The following SPIRE1 variants were observed in gnomAD, a reference collection of about 807,000 sequenced individuals.
SPIRE1 encodes protein spire homolog 1.
A neutral mutation model predicts 94.1 loss-of-function variants in SPIRE1; 40 were observed. The ratio of observed to expected loss-of-function variants is 0.43; its 90% CI spans 0.33 to 0.55. The LOEUF is 0.55. Ranked by LOEUF, SPIRE1 falls within the 20% of genes least tolerant of loss-of-function variation. SPIRE1 has a pLI of 0.06. For synonymous variants in SPIRE1, 376 were observed against 371.7 expected (o/e 1.01, Z -0.13); for missense variants, 838 against 975.2 (o/e 0.86, Z 1.87).
At chr18:12,458,551 TTGCAGTGAGCCGATATCGCGTCAC>T (rs2031636131) in intron 12 of SPIRE1, among the ~76,000 whole-genome samples, 1 of 152,010 alleles carries the variant, frequency 6.6e-6, no homozygotes, top group Non-Finnish European at 1.5e-5. Context: ...GAGGCGGAGC[TTGCAGTGAGCCGATATCGCGTCAC>T]TGCACTCCAG....
chr18:12,473,001 G>T (rs1290260935), intron 10 of SPIRE1, among the ~76,000 whole-genome samples: 1 of 151,562 alleles, frequency 6.6e-6, no homozygotes, highest in African/African-American at 2.4e-5. Flanking sequence ...TGCCATGTTG[G>T]CCAGGCTGGT....
chr18:12,578,227 T>C (rs1598490028), intron 2 of SPIRE1, among the ~76,000 whole-genome samples: 1 of 152,208 alleles, frequency 6.6e-6, no homozygotes, highest in East Asian at 1.9e-4. Flanking sequence ...AAAGCATATA[T>C]CCATAAAAAG....
chr18:12,450,592 G>T, intron 16 of SPIRE1: 1 of 549,150 alleles, frequency 1.8e-6, no homozygotes. Context: ...CTGAGAGGTG[G>T]AAGACAATGT....
chr18:12,523,841 GC>G (rs1476623943), intron 4 of SPIRE1, among the ~76,000 whole-genome samples: 1 of 152,112 alleles, frequency 6.6e-6, no homozygotes, highest in African/African-American at 2.4e-5. Context: ...GAGCCACCAT[GC>G]CAGGTTAATT....
chr18:12,579,676 G>A (rs1320248209), intron 2 of SPIRE1, among the ~76,000 whole-genome samples: 1 of 152,174 alleles, frequency 6.6e-6, no homozygotes, highest in Non-Finnish European at 1.5e-5. Context: ...ATTTCTTGGG[G>A]AGCATTACCA....
At chr18:12,539,703 T>C (rs764706311) in intron 3 of SPIRE1, among the ~76,000 whole-genome samples, 3 of 151,462 alleles carry the variant, frequency 2.0e-5, no homozygotes, top group Non-Finnish European at 4.4e-5. Flanking sequence ...CTGAGGTGGA[T>C]CACCTGAGGT....
intron 2 of SPIRE1, among the ~76,000 whole-genome samples, chr18:12,554,944 G>A (rs959283442): frequency 6.6e-6 from 1 of 152,014 alleles, no homozygotes; most frequent in African/African-American, 2.4e-5. Context: ...GAGTATGAAG[G>A]AGCTGAAACT....
intron 2 of SPIRE1, among the ~76,000 whole-genome samples, chr18:12,554,774 T>C (rs534856149): frequency 1.6e-4 from 25 of 152,228 alleles, no homozygotes; most frequent in African/African-American, 6.0e-4. Flanking sequence ...CAACAACACA[T>C]TAAAAAGATC....
Position 12,657,574 on chromosome 18 carries a change from AGGGTGACGGCGCC to A in SPIRE1, c.280_292del (p.Gly94TrpfsTer44). The A allele has an allele frequency of 8.1e-7, 1 of 1,236,620 alleles. No homozygotes were observed. Among genetic ancestry groups the A allele is most frequent in the Non-Finnish European group, 1.0e-6 (1 of 990,892 alleles). The allele number at this position is 1,236,620 out of a possible 1,614,324, so 76.6% of individuals were successfully genotyped here. A position where few individuals can be genotyped will look rare whatever the true frequency, so the allele number is the denominator to read the frequency against. Reference sequence around the variant, plus strand: ...TCCCGCGTCGTCGGCCGCGGGCGCCAGGGTGACGGCGCCGTCCCTCCAGACGCGGATCTGCGCG... The same window carrying A: ...TCCCGCGTCGTCGGCCGCGGGCGCCAGTCCCTCCAGACGCGGATCTGCGCG... On this transcript the variant is annotated frameshift_variant, in exon 1 of 17. Coordinates refer to ENST00000409402, the MANE Select transcript of SPIRE1 (RefSeq NM_001128626.2). LOFTEE classifies it high-confidence loss of function.
intron 3 of SPIRE1, among the ~76,000 whole-genome samples, chr18:12,543,456 T>C (rs1481316309): frequency 6.6e-6 from 1 of 152,202 alleles, no homozygotes; most frequent in Admixed American, 6.5e-5. Flanking sequence ...TAATTCTAGA[T>C]TTAATGTTAG....
chr18:12,453,247 AGAG>A, intron 13 of SPIRE1, 109 bp from the exon 14 acceptor site: 3 of 637,308 alleles, frequency 4.7e-6, no homozygotes, highest in Non-Finnish European at 8.0e-6. Context: ...TGAACAGACA[AGAG>A]GAGGAAGACA....
At chr18:12,564,005 A>G (rs1228198119) in intron 2 of SPIRE1, among the ~76,000 whole-genome samples, 1 of 152,240 alleles carries the variant, frequency 6.6e-6, no homozygotes, top group Non-Finnish European at 1.5e-5. Flanking sequence ...TTTCTTAAAC[A>G]GCTATTCTTT....
intron 6 of SPIRE1, among the ~76,000 whole-genome samples, chr18:12,497,483 C>T: frequency 6.6e-6 from 1 of 152,142 alleles, no homozygotes; most frequent in East Asian, 1.9e-4. Flanking sequence ...GACGTGACCA[C>T]ATATTGAGTT....
intron 1 of SPIRE1, among the ~76,000 whole-genome samples, chr18:12,650,877 A>C (rs1345152527): frequency 1.9e-5 from 2 of 104,482 alleles, no homozygotes; most frequent in African/African-American, 6.7e-5. Flanking sequence ...ACCCTGTCTC[A>C]AAAAAAAAAA....
At chr18:12,523,681 T>A (rs1415313410) in intron 4 of SPIRE1, among the ~76,000 whole-genome samples, 1 of 152,130 alleles carries the variant, frequency 6.6e-6, no homozygotes, top group Non-Finnish European at 1.5e-5. Flanking sequence ...ATAAAGTATT[T>A]TTATTCTTAT....
chr18:12,545,028 T>G (rs1319669998), intron 3 of SPIRE1, among the ~76,000 whole-genome samples: 3 of 152,216 alleles, frequency 2.0e-5, no homozygotes, highest in Admixed American at 2.0e-4. Context: ...TTCAGATGTA[T>G]GAGTGGTTTT....
intron 2 of SPIRE1, among the ~76,000 whole-genome samples, chr18:12,633,580 G>GA (rs35011369): frequency 0.58 from 80,402 of 138,308 alleles, 23,098 homozygotes; most frequent in Middle Eastern, 0.74. Flanking sequence ...TGTCTCAAAA[G>GA]AAAAAAAAAA....
intron 14 of SPIRE1, 45 bp downstream of exon 14, chr18:12,453,023 T>G: frequency 1.6e-6 from 2 of 1,270,980 alleles, no homozygotes; most frequent in Non-Finnish European, 2.2e-6. Flanking sequence ...GTATTTCTCT[T>G]ACGACTGTTA....
intron 2 of SPIRE1, among the ~76,000 whole-genome samples, chr18:12,585,770 T>C (rs1206367593): frequency 6.6e-6 from 1 of 152,212 alleles, no homozygotes; most frequent in Non-Finnish European, 1.5e-5. Flanking sequence ...TGAAAATGTT[T>C]ATATAAAAAG....
Sources: gnomAD v4.1 joint callset for allele counts (sites outside exome capture counted in the v4.1 genomes callset) on GRCh38, gnomAD v4.1.1 for gene constraint, MANE v1.5 for transcripts, NCBI Gene and HGNC (gene_info 2026-07-23, HGNC 2026-07-21) for gene names.